ENOX2: variants seen among roughly 807,000 people sequenced by gnomAD.
ENOX2 encodes the protein ecto-NOX disulfide-thiol exchanger 2.
ENOX2 carries 36 observed loss-of-function variants against 45.0 expected under a neutral mutation model. The observed-to-expected ratio is 0.80, with a 90% confidence interval of 0.61 to 1.06. The LOEUF (loss-of-function observed/expected upper bound fraction) is 1.06, where lower values mean the gene tolerates loss of function less well. Ranked by LOEUF, ENOX2 falls within the 50% of genes least tolerant of loss-of-function variation. ENOX2 has a pLI of 0.00. For missense variants in ENOX2, 423 were observed against 462.5 expected (o/e 0.91, Z 0.78); for synonymous variants, 174 against 152.3 (o/e 1.14, Z -1.05).
At chrX:130,880,583 G>A (rs766865246) in intron 2 of ENOX2, among the ~76,000 whole-genome samples, 2 of 112,284 alleles carry the variant, frequency 1.8e-5, no homozygotes, top group African/African-American at 3.2e-5. Flanking sequence ...AGATTTACTC[G>A]CGGAAGAAAT....
chrX:130,638,854 T>C (rs1457665832), intron 10 of ENOX2, among the ~76,000 whole-genome samples: 1 of 111,188 alleles, frequency 9.0e-6, no homozygotes, highest in Non-Finnish European at 1.9e-5. Context: ...GGGCGTGGTG[T>C]TGTGTGCCTG....
chrX:130,868,149 T>C (rs1313681321), intron 2 of ENOX2, among the ~76,000 whole-genome samples: 1 of 111,221 alleles, frequency 9.0e-6, no homozygotes, highest in African/African-American at 3.3e-5. Flanking sequence ...TGACTAAACA[T>C]AGAGTTACAT....
At chrX:130,783,817 T>G (rs945941944) in intron 2 of ENOX2, 127 bp from the exon 3 acceptor site, 4 of 199,161 alleles carry the variant, frequency 2.0e-5, no homozygotes, top group African/African-American at 1.2e-4. Flanking sequence ...ACAGGTGAAT[T>G]CCTTAAAGAC....
chrX:130,652,790 T>A (rs2036439411), intron 10 of ENOX2, among the ~76,000 whole-genome samples: 1 of 112,301 alleles, frequency 8.9e-6, no homozygotes, highest in Non-Finnish European at 1.9e-5. Flanking sequence ...GAACACCATG[T>A]AAACATGAAG....
At chrX:130,850,928 G>C (rs186699624) in intron 2 of ENOX2, among the ~76,000 whole-genome samples, 1 of 112,447 alleles carries the variant, frequency 8.9e-6, no homozygotes, top group Non-Finnish European at 1.9e-5. Context: ...TGCACTCAAA[G>C]TCAGCCAGCA....
At chrX:130,643,543 A>G (rs1199593189) in intron 10 of ENOX2, among the ~76,000 whole-genome samples, 1 of 112,051 alleles carries the variant, frequency 8.9e-6, no homozygotes, top group Non-Finnish European at 1.9e-5. Context: ...AAGTGGCTAT[A>G]TTAATTTCAG....
chrX:130,751,782 T>C (rs1266262494), intron 3 of ENOX2, among the ~76,000 whole-genome samples: 1 of 112,377 alleles, frequency 8.9e-6, no homozygotes, highest in Non-Finnish European at 1.9e-5. Flanking sequence ...TATTTAATTA[T>C]GGTTTTGATT....
At chrX:130,871,047 A>G (rs1436873665) in intron 2 of ENOX2, among the ~76,000 whole-genome samples, 2 of 111,149 alleles carry the variant, frequency 1.8e-5, no homozygotes, top group Non-Finnish European at 3.8e-5. Flanking sequence ...TCGTTATGAG[A>G]AAGAGCCAGT....
At chrX:130,833,011 TCACACACACACACA>T (rs10568834) in intron 2 of ENOX2, among the ~76,000 whole-genome samples, 27 of 82,986 alleles carry the variant, frequency 3.3e-4, no homozygotes, top group East Asian at 1.5e-3. Context: ...TCATGTATAA[TCACACACACACACA>T]CACACACACA....
At chrX:130,682,438 G>C (rs989707843) in intron 5 of ENOX2, among the ~76,000 whole-genome samples, 1 of 108,155 alleles carries the variant, frequency 9.2e-6, no homozygotes, top group Non-Finnish European at 1.9e-5. Flanking sequence ...CAAAAAATTA[G>C]CTGGGCATGG....
At chrX:130,698,076 G>A (rs1008295098) in intron 4 of ENOX2, among the ~76,000 whole-genome samples, 1 of 111,342 alleles carries the variant, frequency 9.0e-6, no homozygotes. Context: ...GCTCCTGTTT[G>A]TCCTTCTGTG....
chrX:130,697,223 T>C (rs146051810), intron 4 of ENOX2, among the ~76,000 whole-genome samples: 214 of 111,339 alleles, frequency 1.9e-3, no homozygotes, highest in African/African-American at 6.7e-3. Context: ...TATATATACC[T>C]GGACACCTAG....
Position 130,682,583 on chromosome X carries a change from C to CAAAAAAAAAAAAAA in ENOX2, c.254-2849_254-2836dup, listed in dbSNP as rs55875735. ...TGGGTGACAGAGCGAGACTCCGTCT[C>CAAAAAAAAAAAAAA]AAAAAAAAAAAAAAAAAAAAAAAAA... On this transcript the variant is annotated intron_variant, in intron 5 of 14. Coordinates refer to ENST00000394363, the MANE Select transcript of ENOX2 (RefSeq NM_006375.4). Among the ~76,000 whole-genome samples the CAAAAAAAAAAAAAA allele has an allele frequency of 4.1e-4, 6 of 14,659 alleles. 2 individuals are homozygous for CAAAAAAAAAAAAAA. Among genetic ancestry groups the CAAAAAAAAAAAAAA allele is most frequent in the African/African-American group, 1.2e-3 (6 of 4,912 alleles). The allele number at this position is 14,659 out of a possible 115,157, so 12.7% of individuals were successfully genotyped here. A position where few individuals can be genotyped will look rare whatever the true frequency, so the allele number is the denominator to read the frequency against.
At chrX:130,881,569 A>G (rs1469942975) in intron 2 of ENOX2, among the ~76,000 whole-genome samples, 1 of 112,022 alleles carries the variant, frequency 8.9e-6, no homozygotes, top group South Asian at 3.7e-4. Context: ...CCACATTTTG[A>G]GAAACACTGT....
intron 2 of ENOX2, among the ~76,000 whole-genome samples, chrX:130,812,397 G>C (rs931342587): frequency 1.8e-5 from 2 of 110,711 alleles, no homozygotes; most frequent in Non-Finnish European, 3.8e-5. Context: ...GGCCAGGAGA[G>C]AGCAGCATAA....
At chrX:130,840,701 T>TA (rs1364401171) in intron 2 of ENOX2, among the ~76,000 whole-genome samples, 4 of 109,775 alleles carry the variant, frequency 3.6e-5, no homozygotes, top group Non-Finnish European at 7.6e-5. Flanking sequence ...AACTTGTCTC[T>TA]AAAAAAAATA....
chrX:130,784,148 C>G (rs1316960436), intron 2 of ENOX2, among the ~76,000 whole-genome samples: 2 of 111,176 alleles, frequency 1.8e-5, no homozygotes, highest in Non-Finnish European at 3.8e-5. Flanking sequence ...ATAGGGGTCT[C>G]TAAAATCAGA....
intron 2 of ENOX2, among the ~76,000 whole-genome samples, chrX:130,849,753 T>C (rs753276615): frequency 8.9e-6 from 1 of 111,978 alleles, no homozygotes; most frequent in African/African-American, 3.2e-5. Flanking sequence ...CACTCAACCT[T>C]TTTAGGCCTA....
intron 3 of ENOX2, among the ~76,000 whole-genome samples, chrX:130,717,221 C>T (rs959535876): frequency 7.1e-5 from 8 of 112,051 alleles, no homozygotes; most frequent in Non-Finnish European, 1.1e-4. Flanking sequence ...GAGAAACCAA[C>T]GGGTGATAAA....
Sources: allele counts gnomAD v4.1 joint callset (sites outside exome capture counted in the v4.1 genomes callset), GRCh38; gene constraint gnomAD v4.1.1; transcripts MANE v1.5; gene names NCBI Gene and HGNC (gene_info 2026-07-23, HGNC 2026-07-21).